GPATCH8: variants seen among roughly 807,000 people sequenced by gnomAD.
GPATCH8 encodes G patch domain-containing protein 8.
Under a neutral mutation model 118.3 loss-of-function variants are expected in GPATCH8, and 18 were observed. The ratio of observed to expected loss-of-function variants is 0.15; its 90% CI spans 0.11 to 0.23. The LOEUF (loss-of-function observed/expected upper bound fraction) is 0.23, where lower values mean the gene tolerates loss of function less well. Among genes scored for constraint, GPATCH8 ranks in the 10% least tolerant of loss-of-function variants. The pLI is 1.00. For synonymous variants in GPATCH8, 659 were observed against 684.7 expected, an observed-to-expected ratio of 0.96 and a Z score of 0.59; for missense variants, 1,631 against 1,873.8, an observed-to-expected ratio of 0.87 and a Z score of 2.39.
intron 5 of GPATCH8, among the ~76,000 whole-genome samples, chr17:44,428,701 G>A (rs560693405): frequency 6.6e-6 from 1 of 152,158 alleles, no homozygotes; most frequent in South Asian, 2.1e-4. Flanking sequence ...TGCTCGGGAA[G>A]CTGAGGTGGG....
At chr17:44,435,280 CTTGCT>C in intron 4 of GPATCH8, 129 bp from the exon 5 acceptor site, 1 of 674,302 alleles carries the variant, frequency 1.5e-6, no homozygotes, top group Non-Finnish European at 2.7e-6. Flanking sequence ...TTAGCTACTG[CTTGCT>C]TTATTGTCAC....
intron 5 of GPATCH8, among the ~76,000 whole-genome samples, chr17:44,431,986 C>G (rs1453341371): frequency 1.3e-5 from 2 of 150,568 alleles, no homozygotes; most frequent in Admixed American, 6.6e-5. Flanking sequence ...ACTAAGAATT[C>G]TGGTTCTAAA....
At chr17:44,461,586 T>C (rs2051551006) in intron 3 of GPATCH8, among the ~76,000 whole-genome samples, 1 of 152,224 alleles carries the variant, frequency 6.6e-6, no homozygotes, top group African/African-American at 2.4e-5. Flanking sequence ...TATTGAGTAC[T>C]TACTATATAT....
At chr17:44,450,055 G>GACACCCCC (rs914099699) in intron 3 of GPATCH8, among the ~76,000 whole-genome samples, 6 of 152,096 alleles carry the variant, frequency 3.9e-5, no homozygotes, top group African/African-American at 1.2e-4. Context: ...TTTAATTCCT[G>GACACCCCC]ACACCCCCAA....
At chr17:44,493,510 A>G (rs1416089422) in intron 1 of GPATCH8, among the ~76,000 whole-genome samples, 1 of 152,202 alleles carries the variant, frequency 6.6e-6, no homozygotes, top group African/African-American at 2.4e-5. Flanking sequence ...GATAATACCA[A>G]CACTTTACAT....
chr17:44,424,262 C>G, intron 6 of GPATCH8, 87 bp downstream of exon 6: 2 of 922,868 alleles, frequency 2.2e-6, no homozygotes, highest in Non-Finnish European at 3.6e-6. Context: ...ATCATAGACA[C>G]CAAGTTTTGG....
chr17:44,432,981 T>C (rs1169075766), intron 5 of GPATCH8, among the ~76,000 whole-genome samples: 2 of 152,130 alleles, frequency 1.3e-5, no homozygotes, highest in Non-Finnish European at 2.9e-5. Flanking sequence ...CTGGGATTTA[T>C]AGGCATGCAC....
chr17:44,481,086 T>C (rs1968201465), intron 1 of GPATCH8, among the ~76,000 whole-genome samples: 1 of 152,252 alleles, frequency 6.6e-6, no homozygotes, highest in South Asian at 2.1e-4. Context: ...AATTTTTGTA[T>C]TGTTGGTAGA....
chr17:44,478,481 C>G (rs1967945320), intron 1 of GPATCH8, among the ~76,000 whole-genome samples: 1 of 151,930 alleles, frequency 6.6e-6, no homozygotes, highest in South Asian at 2.1e-4. Flanking sequence ...CGAGCAAGAC[C>G]TTGTCTATAC....
chr17:44,456,139 A>G (rs1472465938), intron 3 of GPATCH8, among the ~76,000 whole-genome samples: 1 of 152,178 alleles, frequency 6.6e-6, no homozygotes, highest in Non-Finnish European at 1.5e-5. Context: ...AGGTCTAGCT[A>G]TGTTGCCCAG....
intron 1 of GPATCH8, among the ~76,000 whole-genome samples, chr17:44,485,352 G>C: frequency 6.6e-6 from 1 of 152,152 alleles, no homozygotes; most frequent in Non-Finnish European, 1.5e-5. Flanking sequence ...GGTCTCAGGT[G>C]ATCCCCCTGC....
At position 44,400,128 on chromosome 17, in the gene GPATCH8, C is replaced by T; in HGVS notation, c.1949G>A (p.Ser650Asn). The stretch of plus-strand genomic sequence containing the variant: ...TGTGTCTTCTGTCTCAGACCCATGG[C>T]TACCCCCAGGCTCCTGCTTGTTCAG... The part of the protein sequence containing the change: ...SGLNKQEPGG[S>N]HGSETEDTGR... The change falls in exon 8 of 8, where the codon AGC becomes AAC. Residue 650 changes from serine to asparagine, a missense_variant. By Grantham distance (46) the Ser-to-Asn change is conservative. Coordinates refer to ENST00000591680, the MANE Select transcript of GPATCH8 (RefSeq NM_001002909.4). 6.2e-7 allele frequency: 1 copy of T among 1,613,998 alleles called. No homozygotes were observed. Among genetic ancestry groups the T allele is most frequent in the Non-Finnish European group, 8.5e-7 (1 of 1,180,012 alleles).
At chr17:44,461,677 C>T (rs2051553977) in intron 3 of GPATCH8, among the ~76,000 whole-genome samples, 1 of 151,516 alleles carries the variant, frequency 6.6e-6, no homozygotes, top group Admixed American at 6.6e-5. Flanking sequence ...TAAAGGGAAC[C>T]AAAATTCTAA....
intron 2 of GPATCH8, among the ~76,000 whole-genome samples, chr17:44,469,252 G>C (rs1967086558): frequency 1.3e-5 from 2 of 152,088 alleles, no homozygotes; most frequent in South Asian, 2.1e-4. Flanking sequence ...CACAATACCA[G>C]CAATGTAAAA....
chr17:44,435,023 GA>G, intron 5 of GPATCH8, 41 bp downstream of exon 5: 3 of 858,620 alleles, frequency 3.5e-6, no homozygotes, highest in Non-Finnish European at 2.0e-6. Flanking sequence ...CTTATTCAGT[GA>G]GCACCTCCCC....
intron 1 of GPATCH8, among the ~76,000 whole-genome samples, chr17:44,490,289 C>A (rs1969142995): frequency 6.6e-6 from 1 of 151,732 alleles, no homozygotes; most frequent in African/African-American, 2.4e-5. Flanking sequence ...GCCTGGGTAA[C>A]AGAGCAAGAC....
chr17:44,406,895 T>C (rs781440150), intron 6 of GPATCH8, among the ~76,000 whole-genome samples: 3 of 152,186 alleles, frequency 2.0e-5, no homozygotes, highest in Non-Finnish European at 4.4e-5. Context: ...TATGACACAC[T>C]GGTGACAGAA....
intron 6 of GPATCH8, among the ~76,000 whole-genome samples, chr17:44,409,949 A>G (rs893510866): frequency 2.0e-5 from 3 of 152,120 alleles, no homozygotes; most frequent in Non-Finnish European, 4.4e-5. Context: ...TTTTTCTACT[A>G]TTTGTAGGAA....
chr17:44,462,000 TA>T (rs1359650517), intron 3 of GPATCH8, among the ~76,000 whole-genome samples: 1 of 152,140 alleles, frequency 6.6e-6, no homozygotes, highest in Non-Finnish European at 1.5e-5. Flanking sequence ...GCACCCTGCC[TA>T]AAATCTCCTT....
Sources: gnomAD v4.1 joint callset for allele counts (sites outside exome capture counted in the v4.1 genomes callset) on GRCh38, gnomAD v4.1.1 for gene constraint, MANE v1.5 for transcripts, NCBI Gene and HGNC (gene_info 2026-07-23, HGNC 2026-07-21) for gene names.